The following FLT3 variants were observed in gnomAD, a reference collection of about 807,000 sequenced individuals.
The protein encoded by FLT3 is fms related receptor tyrosine kinase 3.
In FLT3, 46 loss-of-function variants were observed where a neutral mutation model predicts 126.6. The ratio of observed to expected loss-of-function variants is 0.36; its 90% CI spans 0.29 to 0.46. FLT3 has a LOEUF of 0.46. Among genes scored for constraint, FLT3 ranks in the 20% least tolerant of loss-of-function variants. The pLI is 1.00. For synonymous variants in FLT3, 404 were observed against 434.4 expected (o/e 0.93, Z 0.87); for missense variants, 1,069 against 1,190.3 (o/e 0.90, Z 1.50).
intron 1 of FLT3, among the ~76,000 whole-genome samples, chr13:28,080,371 A>G (rs1878240061): frequency 6.6e-6 from 1 of 152,208 alleles, no homozygotes; most frequent in Non-Finnish European, 1.5e-5. Context: ...GAGAGACTCC[A>G]TCTCAAAAAT....
At chr13:28,080,015 A>G (rs191800840) in intron 1 of FLT3, among the ~76,000 whole-genome samples, 1 of 152,282 alleles carries the variant, frequency 6.6e-6, no homozygotes, top group Non-Finnish European at 1.5e-5. Context: ...CCACAGGATG[A>G]CATCAAGCCA....
intron 3 of FLT3, among the ~76,000 whole-genome samples, chr13:28,058,208 AAAAAAAAAAAAC>A (rs1379563783): frequency 4.7e-4 from 2 of 4,222 alleles, no homozygotes; most frequent in Non-Finnish European, 8.2e-3. Context: ...TTTAAAAATT[AAAAAAAAAAAAC>A]AAAAAAAAAA....
intron 5 of FLT3, 47 bp downstream of exon 5, chr13:28,052,498 G>A (rs767471673): frequency 6.4e-7 from 1 of 1,552,160 alleles, no homozygotes; most frequent in African/African-American, 1.4e-5. Flanking sequence ...TTAGAAAAAG[G>A]CCAAAAGGAA....
intron 1 of FLT3, among the ~76,000 whole-genome samples, chr13:28,092,957 T>C (rs140086990): frequency 0.038 from 5,480 of 145,104 alleles, 137 homozygotes; most frequent in Non-Finnish European, 0.059. Context: ...GGTCTCGCTC[T>C]GTCACCCAGG....
chr13:28,089,171 G>A (rs1460773377), intron 1 of FLT3, among the ~76,000 whole-genome samples: 1 of 152,132 alleles, frequency 6.6e-6, no homozygotes, highest in Non-Finnish European at 1.5e-5. Context: ...TATTAGAATG[G>A]TTAAAAACCC....
At chr13:28,088,585 T>TA (rs888402892) in intron 1 of FLT3, among the ~76,000 whole-genome samples, 1 of 11,698 alleles carries the variant, frequency 8.5e-5, no homozygotes, top group South Asian at 4.3e-3. Flanking sequence ...ATCCAAAACC[T>TA]TTTTTTTTTT....
At chr13:28,028,118 T>A in intron 16 of FLT3, 60 bp downstream of exon 16, 4 of 818,268 alleles carry the variant, frequency 4.9e-6, no homozygotes, top group Non-Finnish European at 6.5e-6. Flanking sequence ...AGAGCAAACA[T>A]CCTCTTTGTC....
chr13:28,096,683 C>T (rs1040446491), intron 1 of FLT3, among the ~76,000 whole-genome samples: 2 of 152,134 alleles, frequency 1.3e-5, no homozygotes, highest in Non-Finnish European at 2.9e-5. Flanking sequence ...CTGCCTGCCT[C>T]AGCCTCCCAA....
rs911588198 is a variant in FLT3 at position 28,036,193 on chromosome 13, G to A, written c.1310-150C>T. On this transcript the variant is annotated intron_variant, in intron 10 of 23. Transcript: ENST00000241453. ...GGCAACACAGCAAGACCCTGTCTCT[G>A]AAAATAATAAAATAAAATAAGCTCT... 17 of 644,260 alleles carry A rather than the reference G, an allele frequency of 2.6e-5. No individual in the cohort carries two copies. The African/African-American group carries it at 2.9e-4, about 11-fold the overall frequency. The allele number at this position is 644,260 out of a possible 1,614,324, so 39.9% of individuals were successfully genotyped here.
intron 2 of FLT3, among the ~76,000 whole-genome samples, chr13:28,066,964 T>A (rs1877091831): frequency 6.6e-6 from 1 of 152,220 alleles, no homozygotes; most frequent in African/African-American, 2.4e-5. Context: ...CACATCTTCA[T>A]AATGACACCA....
chr13:28,092,026 C>T (rs961403005), intron 1 of FLT3, among the ~76,000 whole-genome samples: 9 of 152,094 alleles, frequency 5.9e-5, no homozygotes, highest in South Asian at 2.1e-4. Flanking sequence ...GCCAAGATCG[C>T]GCCATTGCAC....
intron 9 of FLT3, among the ~76,000 whole-genome samples, chr13:28,043,965 C>T (rs957705275): frequency 6.8e-6 from 1 of 147,060 alleles, no homozygotes; most frequent in Non-Finnish European, 1.5e-5. Flanking sequence ...CAAAAATTAG[C>T]CGAGTGTGGT....
chr13:28,086,622 G>GTGTGTGTA (rs571387212), intron 1 of FLT3, among the ~76,000 whole-genome samples: 1,419 of 74,272 alleles, frequency 0.019, 10 homozygotes, highest in East Asian at 0.028. Context: ...AAGAACTCGT[G>GTGTGTGTA]TGTGTGTGTG....
At chr13:28,038,286 T>C (rs1377270046) in intron 9 of FLT3, among the ~76,000 whole-genome samples, 11 of 151,918 alleles carry the variant, frequency 7.2e-5, no homozygotes, top group Admixed American at 7.2e-4. Context: ...CAGTGAGATG[T>C]TGGATGGTGC....
intron 2 of FLT3, among the ~76,000 whole-genome samples, chr13:28,062,578 A>C (rs541485368): frequency 1.3e-5 from 2 of 152,064 alleles, no homozygotes; most frequent in East Asian, 3.9e-4. Flanking sequence ...CCCTATGTCT[A>C]CTAAAAATAC....
intron 20 of FLT3, among the ~76,000 whole-genome samples, chr13:28,016,325 C>T (rs145798174): frequency 0.077 from 11,733 of 151,850 alleles, 599 homozygotes; most frequent in Non-Finnish European, 0.11. Flanking sequence ...GGCTGGAGTG[C>T]AATGGCGCTA....
At chr13:28,084,991 A>AT (rs1878566671) in intron 1 of FLT3, among the ~76,000 whole-genome samples, 1 of 149,968 alleles carries the variant, frequency 6.7e-6, no homozygotes, top group South Asian at 2.1e-4. Context: ...AAAAAAAAAA[A>AT]AATTCACTGA....
At position 28,049,549 on chromosome 13, in the gene FLT3, T is replaced by C; in HGVS notation, c.883-12A>G. The C allele has an allele frequency of 6.2e-7, 1 of 1,612,854 alleles. No individual in the cohort carries two copies. ...TCAAAGTAGTTGCCCTAGGTTTTAATAAAACAGAGTTTGCATTTAATGTTT... is the reference window on the plus strand; with the variant it reads ...TCAAAGTAGTTGCCCTAGGTTTTAACAAAACAGAGTTTGCATTTAATGTTT... On this transcript the variant is annotated splice_polypyrimidine_tract_variant and intron_variant, in intron 7 of 23. Transcript: ENST00000241453.
chr13:28,015,258 T>C lies in FLT3; in HGVS notation c.2654-2A>G. On this transcript the variant is annotated splice_acceptor_variant, in intron 21 of 23. Coordinates refer to ENST00000241453, the MANE Select transcript of FLT3 (RefSeq NM_004119.3). LOFTEE classifies it high-confidence loss of function. The stretch of plus-strand genomic sequence containing the variant: ...GAATGCCAGGGTAAGGATTCACACC[T>C]GAGGAAAACATTAGACAATTGCAGC... 1 of 1,572,120 alleles carries C rather than the reference T, an allele frequency of 6.4e-7. No homozygotes were observed. The highest frequency in any genetic ancestry group is 8.8e-7 in the Non-Finnish European group (1 of 1,142,834).
Sources: allele counts gnomAD v4.1 joint callset (sites outside exome capture counted in the v4.1 genomes callset), GRCh38; gene constraint gnomAD v4.1.1; transcripts MANE v1.5; gene names NCBI Gene and HGNC (gene_info 2026-07-23, HGNC 2026-07-21).